AUTS2: variants seen among roughly 807,000 people sequenced by gnomAD.
The protein encoded by AUTS2 is activator of transcription and developmental regulator AUTS2.
A neutral mutation model predicts 112.4 loss-of-function variants in AUTS2; 17 were observed. The ratio of observed to expected loss-of-function variants is 0.15; its 90% confidence interval spans 0.10 to 0.23. AUTS2 has a LOEUF of 0.23. AUTS2 is among the 10% of genes least tolerant of loss of function. The pLI is 1.00. For missense variants in AUTS2, 1,510 were observed against 1,701.6 expected, an observed-to-expected ratio of 0.89 and a Z score of 1.98; for synonymous variants, 751 against 702.7, an observed-to-expected ratio of 1.07 and a Z score of -1.09.
intron 5 of AUTS2, chr7:70,437,997 G>A (rs1422545693): frequency 6.6e-6 from 1 of 152,194 alleles, no homozygotes; most frequent in East Asian, 1.9e-4. Context: ...GCTGCTACAA[G>A]TTCCAGTGCC....
chr7:70,736,956 G>A (rs10270852), intron 6 of AUTS2, among the ~76,000 whole-genome samples: 99,237 of 152,018 alleles, frequency 0.65, 33,034 homozygotes, highest in East Asian at 0.78. Flanking sequence ...ATCACTTTCC[G>A]TGGTTCCAGC....
intron 5 of AUTS2, among the ~76,000 whole-genome samples, chr7:70,490,292 T>C (rs1798180815): frequency 6.6e-6 from 1 of 150,890 alleles, no homozygotes; most frequent in South Asian, 2.1e-4. Context: ...AAACAAATAA[T>C]AAAAAAAAGA....
chr7:70,107,345 T>C (rs1381852141), intron 2 of AUTS2, among the ~76,000 whole-genome samples: 2 of 147,354 alleles, frequency 1.4e-5, no homozygotes, highest in South Asian at 4.5e-4. Flanking sequence ...CTTTTTTTTT[T>C]TTTTTTTTTT....
chr7:69,901,850 A>G (rs1163378036), intron 2 of AUTS2, among the ~76,000 whole-genome samples: 1 of 152,210 alleles, frequency 6.6e-6, no homozygotes, highest in Non-Finnish European at 1.5e-5. Flanking sequence ...TGAAATCCCA[A>G]ACAAGTCACC....
chr7:69,641,071 C>A (rs1214483049), intron 1 of AUTS2, among the ~76,000 whole-genome samples: 5 of 152,188 alleles, frequency 3.3e-5, no homozygotes, highest in African/African-American at 1.2e-4. Flanking sequence ...AAGGGCTGCC[C>A]TGTCAGGTAC....
Position 70,790,493 on chromosome 7 carries a change from GA to G in AUTS2, c.3278del (p.Asp1093AlafsTer4), listed in dbSNP as rs780176602. 1.2e-6 allele frequency: 2 copies of G among 1,612,498 alleles called. No homozygotes were observed. The highest frequency in any genetic ancestry group is 3.3e-5 in the Admixed American group (2 of 59,948). ...DIHRRDPLGR[D>X]FLLRNDPLHR... ...TCACCGGAGAGACCCGCTGGGCAGGGACTTCCTGCTAAGGAACGACCCGCTC... is the reference window on the plus strand; with the variant it reads ...TCACCGGAGAGACCCGCTGGGCAGGGCTTCCTGCTAAGGAACGACCCGCTC... On this transcript the variant is annotated frameshift_variant, in exon 19 of 19. Coordinates refer to ENST00000342771, the MANE Select transcript of AUTS2 (RefSeq NM_015570.4). LOFTEE classifies it high-confidence loss of function. The surrounding 1 kb of genome is among the most constrained non-coding windows in gnomAD (Gnocchi z 7.6).
intron 1 of AUTS2, among the ~76,000 whole-genome samples, chr7:69,835,107 T>G (rs1277147413): frequency 1.3e-5 from 2 of 151,918 alleles, no homozygotes; most frequent in East Asian, 3.9e-4. Context: ...AAGTGGACCT[T>G]GTACAGTCTC....
chr7:69,940,475 A>G (rs1562982859), intron 2 of AUTS2, among the ~76,000 whole-genome samples: 2 of 152,212 alleles, frequency 1.3e-5, no homozygotes, highest in Non-Finnish European at 2.9e-5. Context: ...GAGGAACAAC[A>G]GAGAGAAGCC....
intron 2 of AUTS2, among the ~76,000 whole-genome samples, chr7:70,075,870 C>T (rs748804226): frequency 6.6e-6 from 1 of 152,216 alleles, no homozygotes; most frequent in Non-Finnish European, 1.5e-5. Flanking sequence ...TATATTCCTT[C>T]TTCTGCAGCA....
chr7:70,516,151 A>G (rs1183965736), intron 5 of AUTS2, among the ~76,000 whole-genome samples: 2 of 152,208 alleles, frequency 1.3e-5, no homozygotes, highest in African/African-American at 4.8e-5. Flanking sequence ...CACTGATTGA[A>G]CAGAGAGACA....
chr7:70,357,198 C>T (rs1319025742), intron 4 of AUTS2, among the ~76,000 whole-genome samples: 8 of 152,132 alleles, frequency 5.3e-5, no homozygotes, highest in South Asian at 2.1e-4. Flanking sequence ...GAACAAACCG[C>T]GCAGGGGAAG....
At chr7:70,064,990 A>G (rs1471389436) in intron 2 of AUTS2, among the ~76,000 whole-genome samples, 2 of 152,188 alleles carry the variant, frequency 1.3e-5, no homozygotes, top group Non-Finnish European at 2.9e-5. Context: ...GCGCTCATCA[A>G]TTGTTGAATA....
intron 6 of AUTS2, among the ~76,000 whole-genome samples, chr7:70,739,896 C>G (rs553726395): frequency 1.3e-5 from 2 of 151,704 alleles, no homozygotes; most frequent in Non-Finnish European, 2.9e-5. Context: ...TAATACAAGT[C>G]TACTTCCTCT....
intron 1 of AUTS2, among the ~76,000 whole-genome samples, chr7:69,895,242 C>G (rs1022035909): frequency 1.2e-4 from 18 of 152,114 alleles, no homozygotes; most frequent in Non-Finnish European, 2.9e-5. Context: ...TAGTTTTTGT[C>G]ATTTTTCTCC....
Position 70,055,906 on chromosome 7 carries a change from G to A in AUTS2, c.523-62226G>A, listed in dbSNP as rs183784632. ...TCTTGCTCTTGGTCAGGCAGGTCTC[G>A]AACTCCTGACCTCGTGATCCACCCA... On this transcript the variant is annotated intron_variant, in intron 2 of 18. Coordinates refer to ENST00000342771, the MANE Select transcript of AUTS2 (RefSeq NM_015570.4). Among the ~76,000 whole-genome samples the A allele has an allele frequency of 1.1e-3, 160 of 151,930 alleles. 1 individual carries two copies. Among genetic ancestry groups the A allele is most frequent in the Admixed American group, 7.4e-3 (113 of 15,246 alleles).
At chr7:69,681,427 G>T (rs960210963) in intron 1 of AUTS2, among the ~76,000 whole-genome samples, 5 of 152,176 alleles carry the variant, frequency 3.3e-5, no homozygotes, top group Admixed American at 2.6e-4. Flanking sequence ...TGACAGAGTG[G>T]CTACATACAG....
At chr7:70,048,482 TCTGTATAGA>T (rs1801604091) in intron 2 of AUTS2, among the ~76,000 whole-genome samples, 1 of 152,234 alleles carries the variant, frequency 6.6e-6, no homozygotes, top group African/African-American at 2.4e-5. Flanking sequence ...TTTCACTCAT[TCTGTATAGA>T]CTGTGAACTC....
chr7:69,724,985 A>G (rs1017844025), intron 1 of AUTS2, among the ~76,000 whole-genome samples: 1 of 152,204 alleles, frequency 6.6e-6, no homozygotes, highest in Non-Finnish European at 1.5e-5. Context: ...GATTTTTTTA[A>G]AGATATAAGA....
chr7:70,690,239 T>C (rs905673926), intron 5 of AUTS2, among the ~76,000 whole-genome samples: 30 of 152,344 alleles, frequency 2.0e-4, no homozygotes, highest in African/African-American at 7.0e-4. Flanking sequence ...GAAGAACAAG[T>C]AGAAACTTGG....
Sources: gnomAD v4.1 joint callset for allele counts (sites outside exome capture counted in the v4.1 genomes callset) on GRCh38, gnomAD v4.1.1 for gene constraint, Gnocchi (gnomAD v3.1) non-coding constraint, MANE v1.5 for transcripts, NCBI Gene and HGNC (gene_info 2026-07-23, HGNC 2026-07-21) for gene names.